AKAP13: variants seen among roughly 807,000 people sequenced by gnomAD.
AKAP13 encodes A-kinase anchoring protein 13.
AKAP13 carries 80 observed loss-of-function variants against 264.5 expected under a neutral mutation model. That is an observed-to-expected ratio of 0.30 (90% confidence interval 0.25 to 0.36). The LOEUF (loss-of-function observed/expected upper bound fraction) is 0.36. Ranked by LOEUF, AKAP13 falls within the 10% of genes least tolerant of loss-of-function variation. The pLI, the probability that AKAP13 is intolerant of heterozygous loss-of-function variation, is 1.00. For missense variants in AKAP13, 3,712 were observed against 3,435.2 expected (o/e 1.08, Z -2.01); for synonymous variants, 1,380 against 1,250.2 (o/e 1.10, Z -2.19).
At chr15:85,685,589 G>GT (rs1171708040) in intron 16 of AKAP13, 4 of 152,048 alleles carry the variant, frequency 2.6e-5, no homozygotes, top group South Asian at 2.1e-4. Context: ...GGCTTAAGCA[G>GT]TTTCCTGCCT....
At chr15:85,596,765 G>T (rs1432955457) in intron 8 of AKAP13, among the ~76,000 whole-genome samples, 1 of 152,170 alleles carries the variant, frequency 6.6e-6, no homozygotes. Flanking sequence ...TAGCTTCACA[G>T]TTGGCCTTTA....
At chr15:85,611,180 A>G (rs77913815) in intron 8 of AKAP13, among the ~76,000 whole-genome samples, 1,978 of 152,278 alleles carry the variant, frequency 0.013, 29 homozygotes, top group Non-Finnish European at 0.016. Context: ...TCTTTGAAAT[A>G]CTTTCTCCAT....
intron 9 of AKAP13, among the ~76,000 whole-genome samples, chr15:85,644,559 ACTT>A (rs1441733685): frequency 6.7e-6 from 1 of 149,324 alleles, no homozygotes; most frequent in South Asian, 2.1e-4. Flanking sequence ...TATCCTTAAA[ACTT>A]CTTAGGGCCA....
At chr15:85,627,504 C>G (rs1356507105) in intron 8 of AKAP13, 1 of 152,204 alleles carries the variant, frequency 6.6e-6, no homozygotes, top group African/African-American at 2.4e-5. Flanking sequence ...CCCTACTCTC[C>G]CATTGTATCT....
At chr15:85,695,394 A>G (rs999454482) in intron 17 of AKAP13, among the ~76,000 whole-genome samples, 1 of 151,912 alleles carries the variant, frequency 6.6e-6, no homozygotes, top group Non-Finnish European at 1.5e-5. Context: ...ACAGAGTGAG[A>G]CTCCATCTCA....
At chr15:85,598,661 A>G (rs1322673721) in intron 8 of AKAP13, among the ~76,000 whole-genome samples, 2 of 152,138 alleles carry the variant, frequency 1.3e-5, no homozygotes, top group East Asian at 3.9e-4. Flanking sequence ...TGGTGGGTAA[A>G]ATAAGACAGA....
rs534275560 is a variant in AKAP13 at position 85,591,062 on chromosome 15, T to C, written c.4161+5239T>C. Among the ~76,000 whole-genome samples the C allele has an allele frequency of 2.0e-5, 3 of 152,368 alleles. No individual in the cohort carries two copies. The South Asian group carries it at 6.2e-4, about 32-fold the overall frequency. On this transcript the variant is annotated intron_variant, in intron 8 of 36. Coordinates refer to ENST00000394518, the MANE Select transcript of AKAP13 (RefSeq NM_007200.5). ...AAATTGAAAGACATGGAACTTGTTT[T>C]GCTTCTGAGACCGTTACAATTTGAA...
At chr15:85,716,970 G>A (rs1406081467) in intron 20 of AKAP13, among the ~76,000 whole-genome samples, 1 of 152,174 alleles carries the variant, frequency 6.6e-6, no homozygotes, top group Non-Finnish European at 1.5e-5. Flanking sequence ...GTATTGGTTA[G>A]GCAATAAGTT....
intron 2 of AKAP13, among the ~76,000 whole-genome samples, chr15:85,498,212 A>ATATATATATATATATAT (rs1217645309): frequency 7.1e-6 from 1 of 141,236 alleles, no homozygotes; most frequent in Non-Finnish European, 1.5e-5. Flanking sequence ...ATATATATAT[A>ATATATATATATATATAT]TATATATATA....
chr15:85,735,297 C>A, intron 31 of AKAP13, 147 bp downstream of exon 31: 2 of 1,150,360 alleles, frequency 1.7e-6, no homozygotes, highest in South Asian at 1.6e-5. Flanking sequence ...GCTTGTCAGT[C>A]AGACTCATAT....
At chr15:85,660,102 C>A (rs933173330) in intron 12 of AKAP13, among the ~76,000 whole-genome samples, 2 of 152,088 alleles carry the variant, frequency 1.3e-5, no homozygotes, top group African/African-American at 4.8e-5. Context: ...CCTGTAATCC[C>A]AGCACTTTGG....
chr15:85,405,756 C>T (rs1057267014), intron 1 of AKAP13, among the ~76,000 whole-genome samples: 1 of 152,140 alleles, frequency 6.6e-6, no homozygotes, highest in Non-Finnish European at 1.5e-5. Flanking sequence ...ACGGAGTAGC[C>T]TTTAGGACAA....
chr15:85,430,020 G>A (rs1453528255), intron 1 of AKAP13, among the ~76,000 whole-genome samples: 2 of 152,182 alleles, frequency 1.3e-5, no homozygotes, highest in East Asian at 1.9e-4. Flanking sequence ...TGTCCAATGT[G>A]GAAGTAAATT....
chr15:85,637,541 A>C (rs1006428649), intron 8 of AKAP13, among the ~76,000 whole-genome samples: 1 of 152,142 alleles, frequency 6.6e-6, no homozygotes, highest in African/African-American at 2.4e-5. Flanking sequence ...TAGCCTCGCC[A>C]GAGTTGTATT....
intron 1 of AKAP13, among the ~76,000 whole-genome samples, chr15:85,410,577 A>T (rs1226790612): frequency 2.0e-5 from 3 of 151,476 alleles, no homozygotes; most frequent in Non-Finnish European, 4.4e-5. Flanking sequence ...GTGTCAGTCA[A>T]GGCATTTTAT....
chr15:85,649,805 T>C (rs572600363), intron 10 of AKAP13, among the ~76,000 whole-genome samples: 175 of 152,332 alleles, frequency 1.1e-3, no homozygotes, highest in African/African-American at 4.1e-3. Flanking sequence ...CCTAGGATTC[T>C]TTTTGGCACT....
At chr15:85,562,168 A>G (rs2078404331) in intron 5 of AKAP13, among the ~76,000 whole-genome samples, 1 of 152,216 alleles carries the variant, frequency 6.6e-6, no homozygotes, top group Non-Finnish European at 1.5e-5. Flanking sequence ...TATCTGATAC[A>G]TTGTTAAGCA....
At chr15:85,558,914 G>A (rs1173586163) in intron 5 of AKAP13, among the ~76,000 whole-genome samples, 1 of 151,834 alleles carries the variant, frequency 6.6e-6, no homozygotes, top group Non-Finnish European at 1.5e-5. Flanking sequence ...AAAGATGAGT[G>A]TGTACTCCTC....
intron 2 of AKAP13, among the ~76,000 whole-genome samples, chr15:85,499,695 A>G (rs1472013953): frequency 6.7e-6 from 1 of 150,118 alleles, no homozygotes; most frequent in Non-Finnish European, 1.5e-5. Context: ...AAAAACACTT[A>G]TCTTTCAGGA....
Sources: gnomAD v4.1 joint callset for allele counts (sites outside exome capture counted in the v4.1 genomes callset) on GRCh38, gnomAD v4.1.1 for gene constraint, MANE v1.5 for transcripts, NCBI Gene and HGNC (gene_info 2026-07-23, HGNC 2026-07-21) for gene names.